FMN1: variants seen among roughly 807,000 people sequenced by gnomAD.
The protein encoded by FMN1 is formin-1.
A neutral mutation model predicts 132.4 loss-of-function variants in FMN1; 110 were observed. The ratio of observed to expected loss-of-function variants is 0.83; its 90% confidence interval spans 0.71 to 0.97. The LOEUF (loss-of-function observed/expected upper bound fraction) is 0.97. Among genes scored for constraint, FMN1 ranks in the 50% least tolerant of loss-of-function variants. The pLI is 0.00. For missense variants in FMN1, 1,792 were observed against 1,705.3 expected, an observed-to-expected ratio of 1.05 and a Z score of -0.90; for synonymous variants, 722 against 651.7, an observed-to-expected ratio of 1.11 and a Z score of -1.64.
intron 6 of FMN1, among the ~76,000 whole-genome samples, chr15:33,050,203 A>C (rs2036904574): frequency 6.6e-6 from 1 of 152,196 alleles, no homozygotes; most frequent in Non-Finnish European, 1.5e-5. Context: ...TTCTCAACTT[A>C]TGTTTATCAG....
chr15:33,076,211 T>C (rs988272566), intron 5 of FMN1, among the ~76,000 whole-genome samples: 1 of 152,184 alleles, frequency 6.6e-6, no homozygotes, highest in Non-Finnish European at 1.5e-5. Context: ...AGGCATAATA[T>C]TGCTGTTCCA....
At chr15:32,858,604 T>C (rs902493855) in intron 16 of FMN1, among the ~76,000 whole-genome samples, 26 of 152,236 alleles carry the variant, frequency 1.7e-4, no homozygotes, top group Admixed American at 7.2e-4. Context: ...TATCTGCTAT[T>C]AGCTATTCTG....
intron 2 of FMN1, among the ~76,000 whole-genome samples, chr15:33,186,104 A>T (rs1447160961): frequency 1.3e-5 from 2 of 151,424 alleles, no homozygotes; most frequent in East Asian, 3.9e-4. Context: ...TCTCACCTTG[A>T]GCTCTTCTAT....
chr15:32,987,505 T>C (rs1456977559), intron 7 of FMN1, among the ~76,000 whole-genome samples: 2 of 152,174 alleles, frequency 1.3e-5, no homozygotes, highest in African/African-American at 4.8e-5. Flanking sequence ...TCTGACTGCC[T>C]GTCCTTGAAC....
intron 7 of FMN1, among the ~76,000 whole-genome samples, chr15:33,002,094 T>C (rs1036044605): frequency 6.6e-6 from 1 of 152,236 alleles, no homozygotes; most frequent in Non-Finnish European, 1.5e-5. Context: ...TGAATCATGC[T>C]GTTTTCTTTA....
intron 5 of FMN1, among the ~76,000 whole-genome samples, chr15:33,087,932 TATTATTCTAAGTA>T (rs1444278959): frequency 2.3e-4 from 35 of 152,256 alleles, no homozygotes; most frequent in Non-Finnish European, 4.4e-4. Flanking sequence ...AATCGGAGAC[TATTATTCTAAGTA>T]AAGTAACTCA....
intron 12 of FMN1, among the ~76,000 whole-genome samples, chr15:32,902,404 TCATAATG>T (rs1415347334): frequency 6.6e-6 from 1 of 152,110 alleles, no homozygotes; most frequent in Non-Finnish European, 1.5e-5. Context: ...ATAAACTCCC[TCATAATG>T]CAGCATTCTC....
intron 4 of FMN1, among the ~76,000 whole-genome samples, chr15:33,128,874 C>G (rs141456737): frequency 6.6e-6 from 1 of 152,048 alleles, no homozygotes; most frequent in African/African-American, 2.4e-5. Flanking sequence ...GGCCTGCGTG[C>G]GTGGCCAGCT....
At chr15:33,142,490 GGCA>G (rs1449145775) in intron 4 of FMN1, among the ~76,000 whole-genome samples, 2 of 152,020 alleles carry the variant, frequency 1.3e-5, no homozygotes, top group Non-Finnish European at 2.9e-5. Flanking sequence ...ATCCCATGAG[GGCA>G]GAGAGCAGCG....
intron 4 of FMN1, among the ~76,000 whole-genome samples, chr15:33,091,565 A>G (rs552737568): frequency 6.6e-5 from 10 of 152,234 alleles, no homozygotes; most frequent in South Asian, 6.2e-4. Flanking sequence ...GAAAAGGACC[A>G]TAAGTAACAT....
At chr15:33,081,168 G>C (rs932581141) in intron 5 of FMN1, among the ~76,000 whole-genome samples, 1 of 152,136 alleles carries the variant, frequency 6.6e-6, no homozygotes, top group African/African-American at 2.4e-5. Context: ...TAAGACAAGA[G>C]CCTGGACCGT....
At chr15:33,181,264 T>C (rs1275223894) in intron 2 of FMN1, among the ~76,000 whole-genome samples, 1 of 152,202 alleles carries the variant, frequency 6.6e-6, no homozygotes, top group African/African-American at 2.4e-5. Flanking sequence ...TTTCACATAG[T>C]TTTACTTCTA....
intron 20 of FMN1, among the ~76,000 whole-genome samples, chr15:32,776,145 C>G: frequency 6.6e-6 from 1 of 152,196 alleles, no homozygotes; most frequent in East Asian, 1.9e-4. Context: ...TAAGGTTTTA[C>G]AACTATTTAA....
chr15:32,800,201 A>T (rs1396083898), intron 18 of FMN1, among the ~76,000 whole-genome samples: 1 of 152,356 alleles, frequency 6.6e-6, no homozygotes, highest in East Asian at 1.9e-4. Context: ...TGCAGCTCTG[A>T]GTCCCATAAA....
chr15:32,783,607 G>A (rs1450722467), intron 19 of FMN1, among the ~76,000 whole-genome samples: 2 of 151,996 alleles, frequency 1.3e-5, no homozygotes, highest in African/African-American at 2.4e-5. Context: ...GCCAGATGTG[G>A]TGGTGGGCGC....
intron 6 of FMN1, among the ~76,000 whole-genome samples, chr15:33,037,952 GT>G (rs1426748896): frequency 6.6e-6 from 1 of 152,252 alleles, no homozygotes; most frequent in Non-Finnish European, 1.5e-5. Flanking sequence ...ATGGTTGGGT[GT>G]GGTGGCTCAC....
chr15:32,976,628 G>A (rs1367646302), intron 7 of FMN1, among the ~76,000 whole-genome samples: 1 of 152,120 alleles, frequency 6.6e-6, no homozygotes, highest in African/African-American at 2.4e-5. Context: ...CAACCAAAAG[G>A]CCATGTCAAG....
At chr15:32,844,114 C>T (rs1390630227) in intron 17 of FMN1, among the ~76,000 whole-genome samples, 5 of 150,608 alleles carry the variant, frequency 3.3e-5, no homozygotes, top group Admixed American at 2.7e-4. Context: ...TTTTTCAAGG[C>T]TCAGTTTCTC....
chr15:33,001,760 C>A (rs928323966), intron 7 of FMN1, among the ~76,000 whole-genome samples: 3 of 149,208 alleles, frequency 2.0e-5, no homozygotes, highest in Non-Finnish European at 4.4e-5. Context: ...CACTCCCTCG[C>A]TCAGGCTGGA....
Sources: gnomAD v4.1 joint callset for allele counts (sites outside exome capture counted in the v4.1 genomes callset) on GRCh38, gnomAD v4.1.1 for gene constraint, MANE v1.5 for transcripts, NCBI Gene and HGNC (gene_info 2026-07-23, HGNC 2026-07-21) for gene names.